Variants in C12orf42 observed in about 807,000 individuals in gnomAD.
C12orf42 encodes the protein chromosome 12 open reading frame 42.
A neutral mutation model predicts 21.6 loss-of-function variants in C12orf42; 25 were observed. The observed-to-expected ratio is 1.16, with a 90% CI of 0.84 to 1.62. The LOEUF (loss-of-function observed/expected upper bound fraction) is 1.62. C12orf42 is among the 40% of genes most tolerant of loss of function. C12orf42 has a pLI of 0.00. For missense variants in C12orf42, 483 were observed against 459.3 expected (o/e 1.05, Z -0.47); for synonymous variants, 174 against 175.0 (o/e 0.99, Z 0.05).
At chr12:103,168,922 A>C in the C12orf42 span, among the ~76,000 whole-genome samples, 2 of 152,116 alleles carry the variant, frequency 1.3e-5, no homozygotes, top group Admixed American at 1.3e-4. Flanking sequence ...AGAAAACCAA[A>C]TGCCACATGT....
At chr12:103,326,693 CT>C (rs896240738) in intron 4 of C12orf42, among the ~76,000 whole-genome samples, 5 of 152,206 alleles carry the variant, frequency 3.3e-5, no homozygotes, top group African/African-American at 1.2e-4. Flanking sequence ...GCTCAATCTT[CT>C]TGTCTCCTTC....
the C12orf42 span, among the ~76,000 whole-genome samples, chr12:103,137,804 G>A: frequency 6.6e-6 from 1 of 152,162 alleles, no homozygotes; most frequent in Admixed American, 6.6e-5. Context: ...TCACTCAGAT[G>A]TAGGAGTTAA....
At chr12:103,296,422 C>A (rs1419805145) in intron 4 of C12orf42, among the ~76,000 whole-genome samples, 1 of 152,128 alleles carries the variant, frequency 6.6e-6, no homozygotes, top group Admixed American at 6.5e-5. Context: ...AGTTCTAGAT[C>A]CCTGAGGAAT....
chr12:103,214,494 C>T, the C12orf42 span, among the ~76,000 whole-genome samples: 1 of 152,132 alleles, frequency 6.6e-6, no homozygotes, highest in African/African-American at 2.4e-5. Context: ...CTCAGTTATC[C>T]CCGCACGGAG....
At chr12:103,466,299 C>T (rs190141574) in intron 2 of C12orf42, among the ~76,000 whole-genome samples, 5 of 152,110 alleles carry the variant, frequency 3.3e-5, no homozygotes, top group African/African-American at 7.2e-5. Context: ...CAAGTCTTTT[C>T]GGAATATTCC....
intron 2 of C12orf42, among the ~76,000 whole-genome samples, chr12:103,426,573 CAAGACAGGCCAACATTCAAATTCAGGA>C (rs561110150): frequency 6.6e-6 from 1 of 152,264 alleles, no homozygotes; most frequent in South Asian, 2.1e-4. Context: ...CCCAACCTAG[CAAGACAGGCCAACATTCAAATTCAGGA>C]AATACAGAGA....
Position 103,294,470 on chromosome 12 carries a change from G to C in C12orf42, n.338-17260C>G, listed in dbSNP as rs200246997. The stretch of plus-strand genomic sequence containing the variant: ...AGAAAGAAAGAAAGAAAGAAAGAAA[G>C]AAATAAGCAAGCAAGCAAGAAAGAA... On this transcript the variant is annotated intron_variant and non_coding_transcript_variant, in intron 4 of 6. Coordinates refer to the C12orf42 transcript ENST00000546526. Among the ~76,000 whole-genome samples the C allele has an allele frequency of 1.1e-4, 11 of 101,916 alleles. No homozygotes were observed. The South Asian group carries it at 2.3e-3, about 21-fold the overall frequency. The allele number at this position is 101,916 out of a possible 152,430, so 66.9% of individuals were successfully genotyped here.
At chr12:103,318,997 C>A (rs2039813276) in intron 4 of C12orf42, among the ~76,000 whole-genome samples, 1 of 152,190 alleles carries the variant, frequency 6.6e-6, no homozygotes, top group African/African-American at 2.4e-5. Flanking sequence ...GTGCTACCTG[C>A]CTGCATTATT....
chr12:103,427,747 A>G (rs1033155555), intron 2 of C12orf42, among the ~76,000 whole-genome samples: 16 of 152,240 alleles, frequency 1.1e-4, no homozygotes, highest in Admixed American at 6.5e-5. Context: ...TCTTCAGCAA[A>G]TGCAAAAGAA....
intron 4 of C12orf42, among the ~76,000 whole-genome samples, chr12:103,280,623 CA>C (rs199721645): frequency 2.0e-5 from 3 of 151,132 alleles, no homozygotes; most frequent in Non-Finnish European, 3.0e-5. Flanking sequence ...CATCTCCACA[CA>C]AAAAAAATCT....
At chr12:103,417,216 C>T (rs1211479332) in intron 2 of C12orf42, among the ~76,000 whole-genome samples, 1 of 152,148 alleles carries the variant, frequency 6.6e-6, no homozygotes, top group East Asian at 1.9e-4. Context: ...AAATCCCCCC[C>T]ACTTAACTGT....
At chr12:103,414,258 T>A (rs778908260) in intron 2 of C12orf42, among the ~76,000 whole-genome samples, 2 of 152,230 alleles carry the variant, frequency 1.3e-5, no homozygotes, top group African/African-American at 2.4e-5. Flanking sequence ...TCTTTTCATA[T>A]GTTTGTTGGC....
At chr12:103,361,353 G>A (rs563279437) in intron 4 of C12orf42, among the ~76,000 whole-genome samples, 10 of 152,144 alleles carry the variant, frequency 6.6e-5, no homozygotes, top group Non-Finnish European at 1.5e-5. Context: ...AGGGGTAGAG[G>A]AAGCAGCAGG....
chr12:103,218,596 C>T, the C12orf42 span, among the ~76,000 whole-genome samples: 12 of 152,224 alleles, frequency 7.9e-5, no homozygotes, highest in South Asian at 4.1e-4. Context: ...TACCCAGACA[C>T]GGCAGGCAGA....
intron 4 of C12orf42, among the ~76,000 whole-genome samples, chr12:103,286,698 CTT>C (rs1473357431): frequency 6.6e-6 from 1 of 151,920 alleles, no homozygotes; most frequent in African/African-American, 2.4e-5. Flanking sequence ...ATTTGTCCCT[CTT>C]TTACAAGTTT....
intron 2 of C12orf42, among the ~76,000 whole-genome samples, chr12:103,421,820 G>C (rs2049941224): frequency 2.0e-5 from 3 of 152,026 alleles, no homozygotes; most frequent in Non-Finnish European, 4.4e-5. Flanking sequence ...CAAATTAACT[G>C]CTAAATTGTC....
intron 2 of C12orf42, among the ~76,000 whole-genome samples, chr12:103,451,612 G>A (rs369225173): frequency 1.3e-5 from 2 of 151,948 alleles, no homozygotes; most frequent in African/African-American, 4.8e-5. Context: ...TGTATTTCTT[G>A]CCATAGCATA....
intron 4 of C12orf42, among the ~76,000 whole-genome samples, chr12:103,317,614 G>T (rs2039645311): frequency 6.6e-6 from 1 of 152,174 alleles, no homozygotes; most frequent in African/African-American, 2.4e-5. Flanking sequence ...ATGTCTCTAG[G>T]CATTGGTTTC....
chr12:103,260,156 A>G (rs575004656), intron 10 of C12orf42, among the ~76,000 whole-genome samples: 3 of 152,256 alleles, frequency 2.0e-5, no homozygotes, highest in Non-Finnish European at 2.9e-5. Flanking sequence ...TCCCAGAAAC[A>G]TCTTTATAAA....
Sources: gnomAD v4.1 joint callset for allele counts (sites outside exome capture counted in the v4.1 genomes callset) on GRCh38, gnomAD v4.1.1 for gene constraint, MANE v1.5 for transcripts, NCBI Gene and HGNC (gene_info 2026-07-23, HGNC 2026-07-21) for gene names.